UGGT1: variants seen among roughly 807,000 people sequenced by gnomAD.
The protein encoded by UGGT1 is UDP-glucose:glycoprotein glucosyltransferase 1.
UGGT1 carries 107 observed loss-of-function variants against 203.9 expected under a neutral mutation model. The observed-to-expected ratio is 0.52, with a 90% CI of 0.45 to 0.62. The LOEUF (loss-of-function observed/expected upper bound fraction) is 0.62, where lower values mean the gene tolerates loss of function less well. UGGT1 is among the 20% of genes least tolerant of loss of function. The probability of loss-of-function intolerance (pLI) is 0.00; values close to 1 mark genes in which losing one functional copy is unlikely to be tolerated. For synonymous variants in UGGT1, 628 were observed against 653.5 expected (o/e 0.96, Z 0.59); for missense variants, 1,673 against 1,867.2 (o/e 0.90, Z 1.92).
At chr2:128,149,337 T>C (rs938999097) in intron 18 of UGGT1, among the ~76,000 whole-genome samples, 4 of 149,424 alleles carry the variant, frequency 2.7e-5, no homozygotes, top group Non-Finnish European at 5.9e-5. Context: ...CCATCGTGCC[T>C]GGCCAGTATT....
intron 2 of UGGT1, among the ~76,000 whole-genome samples, chr2:128,097,965 G>A (rs1023088083): frequency 6.6e-6 from 1 of 152,154 alleles, no homozygotes; most frequent in Non-Finnish European, 1.5e-5. Flanking sequence ...GGGTTCAAGG[G>A]ATTCTCATGC....
Position 128,152,749 on chromosome 2 carries a change from C to T in UGGT1, c.2017-35C>T, listed in dbSNP as rs769509751. The T allele has an allele frequency of 1.3e-5, 21 of 1,570,680 alleles. No homozygotes were observed. In the East Asian group the frequency reaches 3.9e-4, roughly 29 times the overall value. ...ATTATTATTGCTAAAATTTGCTTTA[C>T]CCTCCCCCCTCAACCTCCTTTTTTT... On this transcript the variant is annotated intron_variant, in intron 18 of 40. Coordinates refer to ENST00000259253, the MANE Select transcript of UGGT1 (RefSeq NM_020120.4).
chr2:128,134,122 T>A (rs1689018247), intron 14 of UGGT1, among the ~76,000 whole-genome samples: 2 of 152,164 alleles, frequency 1.3e-5, no homozygotes, highest in African/African-American at 4.8e-5. Flanking sequence ...CTGCAACCTC[T>A]GCCCCCTGGG....
At chr2:128,153,412 C>G (rs1001374369) in intron 19 of UGGT1, among the ~76,000 whole-genome samples, 1 of 151,804 alleles carries the variant, frequency 6.6e-6, no homozygotes, top group Non-Finnish European at 1.5e-5. Flanking sequence ...ATGAAAAAAA[C>G]CCCACAAAGT....
At chr2:128,134,998 A>AATT in intron 15 of UGGT1, 37 bp downstream of exon 15, 1 of 1,557,180 alleles carries the variant, frequency 6.4e-7, no homozygotes, top group Non-Finnish European at 8.8e-7. Flanking sequence ...TATCTAATTT[A>AATT]GCTGAGGTTT....
intron 2 of UGGT1, among the ~76,000 whole-genome samples, chr2:128,100,584 T>G (rs1225038343): frequency 1.7e-4 from 25 of 149,994 alleles, no homozygotes; most frequent in African/African-American, 6.1e-4. Flanking sequence ...TTTTGTATTT[T>G]TTTTTTTTTT....
intron 13 of UGGT1, among the ~76,000 whole-genome samples, chr2:128,131,764 A>T (rs2105423388): frequency 6.6e-6 from 1 of 152,214 alleles, no homozygotes; most frequent in East Asian, 1.9e-4. Context: ...AGTAGCTGGG[A>T]CTACAGGCGC....
chr2:128,131,962 T>C (rs1211999667), intron 13 of UGGT1, among the ~76,000 whole-genome samples: 4 of 152,140 alleles, frequency 2.6e-5, no homozygotes, highest in Non-Finnish European at 4.4e-5. Context: ...AGTACTAATA[T>C]AGTCTTCAAC....
chr2:128,142,099 G>A (rs554664351), intron 16 of UGGT1, among the ~76,000 whole-genome samples: 1 of 151,802 alleles, frequency 6.6e-6, no homozygotes, highest in East Asian at 2.0e-4. Context: ...GCACTACCAC[G>A]GCAGGCTAAT....
intron 2 of UGGT1, among the ~76,000 whole-genome samples, chr2:128,098,394 G>T (rs932614559): frequency 5.3e-5 from 8 of 152,204 alleles, no homozygotes; most frequent in African/African-American, 1.9e-4. Context: ...TTAGCTGAGC[G>T]TGCTGGCATG....
chr2:128,139,484 T>G (rs1689302399), intron 16 of UGGT1, among the ~76,000 whole-genome samples: 1 of 152,152 alleles, frequency 6.6e-6, no homozygotes, highest in African/African-American at 2.4e-5. Context: ...CCAAAGAAGA[T>G]AGAGAGATGG....
At chr2:128,122,870 A>G (rs1688445369) in intron 10 of UGGT1, among the ~76,000 whole-genome samples, 1 of 152,212 alleles carries the variant, frequency 6.6e-6, no homozygotes, top group Non-Finnish European at 1.5e-5. Context: ...GCCTTGGTGT[A>G]TTCAACATTA....
At chr2:128,100,580 AT>A (rs1264351444) in intron 2 of UGGT1, among the ~76,000 whole-genome samples, 330 of 88,342 alleles carry the variant, frequency 3.7e-3, no homozygotes, top group Middle Eastern at 0.015. Context: ...CTAATTTTGT[AT>A]TTTTTTTTTT....
intron 2 of UGGT1, among the ~76,000 whole-genome samples, chr2:128,101,931 T>G (rs1012690351): frequency 6.6e-6 from 1 of 152,212 alleles, no homozygotes; most frequent in Non-Finnish European, 1.5e-5. Flanking sequence ...TGTAGTTTTT[T>G]TTGTGTTGTA....
rs1164263028 is a variant in UGGT1 at position 128,192,631 on chromosome 2, TTTGA to T, written c.*2894_*2897del. The stretch of plus-strand genomic sequence containing the variant: ...TTTTTATGTTCTGTGTACAGTGGCA[TTTGA>T]TTGAGATCAAAGCCTGTCACAGCCT... On this transcript the variant is annotated 3_prime_UTR_variant, in exon 41 of 41. Transcript: ENST00000259253. 1 of 152,208 alleles carries T rather than the reference TTTGA, an allele frequency of 6.6e-6. No individual in the cohort carries two copies. The highest frequency in any genetic ancestry group is 1.5e-5 in the Non-Finnish European group (1 of 68,038). 9.4% of individuals were successfully genotyped at this position (152,208 alleles called of 1,614,324 possible). A position where few individuals can be genotyped will look rare whatever the true frequency, so the allele number is the denominator to read the frequency against.
intron 13 of UGGT1, among the ~76,000 whole-genome samples, chr2:128,131,905 G>T (rs566191688): frequency 1.3e-5 from 2 of 152,214 alleles, no homozygotes; most frequent in East Asian, 3.9e-4. Flanking sequence ...GGGATTACAG[G>T]CGTGAGCCAC....
At chr2:128,159,373 AC>A (rs1442735025) in intron 22 of UGGT1, 140 bp from the exon 23 acceptor site, 2 of 744,384 alleles carry the variant, frequency 2.7e-6, no homozygotes, top group African/African-American at 3.5e-5. Flanking sequence ...TGCTGGGATT[AC>A]AGGCATGAGC....
At chr2:128,129,765 G>A (rs547309728) in intron 13 of UGGT1, among the ~76,000 whole-genome samples, 43 of 152,212 alleles carry the variant, frequency 2.8e-4, no homozygotes, top group Non-Finnish European at 5.4e-4. Flanking sequence ...GGGAAAAAGC[G>A]TTTAGTTTGT....
chr2:128,138,912 A>G, intron 16 of UGGT1, 60 bp downstream of exon 16: 2 of 1,598,974 alleles, frequency 1.3e-6, no homozygotes, highest in African/African-American at 1.3e-5. Context: ...CTTAATAACA[A>G]TGTGTGGTCA....
Sources: allele counts gnomAD v4.1 joint callset (sites outside exome capture counted in the v4.1 genomes callset), GRCh38; gene constraint gnomAD v4.1.1; transcripts MANE v1.5; gene names NCBI Gene and HGNC (gene_info 2026-07-23, HGNC 2026-07-21).